Variants in CPT1A observed in about 807,000 individuals in gnomAD.
CPT1A encodes carnitine O-palmitoyltransferase 1, liver isoform.
In CPT1A, 64 loss-of-function variants were observed where a neutral mutation model predicts 100.8. The observed-to-expected ratio is 0.63, with a 90% CI of 0.52 to 0.78. The LOEUF is 0.78. Among genes scored for constraint, CPT1A ranks in the 30% least tolerant of loss-of-function variants. The pLI is 0.00. For missense variants in CPT1A, 802 were observed against 1,034.1 expected, an observed-to-expected ratio of 0.78 and a Z score of 3.08; for synonymous variants, 363 against 396.0, an observed-to-expected ratio of 0.92 and a Z score of 0.99.
Position 68,793,316 on chromosome 11 carries a change from T to G in CPT1A, c.966A>C (p.Thr322=). 6.2e-7 allele frequency: 1 copy of G among 1,608,912 alleles called. No individual in the cohort carries two copies. Residue 322 remains threonine, a splice_region_variant and synonymous_variant, in exon 9 of 19, where the codon ACA becomes ACC. Transcript: ENST00000265641. The part of the protein sequence containing the change: ...FNTSRIPGEE[T]DTIQHMRDSK... ...GGGCCCTGAAGAAGCTTGACTCACC[T>G]GTCTCCTCTCCTGGGATCCGGGAAG... is the stretch of plus-strand genomic sequence containing the variant.
intron 5 of CPT1A, 60 bp from the exon 6 acceptor site, chr11:68,799,415 G>T: frequency 6.3e-7 from 1 of 1,582,094 alleles, no homozygotes. Context: ...CAAAGCCTAT[G>T]TTTGCCTCAC....
intron 12 of CPT1A, 135 bp from the exon 13 acceptor site, chr11:68,775,567 C>G: frequency 1.4e-6 from 1 of 702,954 alleles, no homozygotes; most frequent in Non-Finnish European, 2.5e-6. Flanking sequence ...TTCCAGTATG[C>G]TCAGCACCTA....
intron 9 of CPT1A, among the ~76,000 whole-genome samples, chr11:68,791,607 G>C (rs1855614795): frequency 6.6e-6 from 1 of 152,130 alleles, no homozygotes; most frequent in Non-Finnish European, 1.5e-5. Context: ...CACAATCTCA[G>C]TTCACTGCAA....
At chr11:68,803,441 T>C (rs1345327254) in intron 5 of CPT1A, among the ~76,000 whole-genome samples, 1 of 152,192 alleles carries the variant, frequency 6.6e-6, no homozygotes, top group Non-Finnish European at 1.5e-5. Context: ...CCTGGTGCAG[T>C]GGCTCATGCC....
intron 18 of CPT1A, 49 bp downstream of exon 18, chr11:68,759,520 A>C: frequency 8.3e-7 from 1 of 1,206,924 alleles, no homozygotes; most frequent in Non-Finnish European, 1.2e-6. Flanking sequence ...AAAAAGAATA[A>C]AGCAAAAATA....
At chr11:68,830,692 G>A (rs1046191943) in intron 1 of CPT1A, among the ~76,000 whole-genome samples, 3 of 152,182 alleles carry the variant, frequency 2.0e-5, no homozygotes, top group Non-Finnish European at 4.4e-5. Context: ...CTTGACCTAT[G>A]CCACTAACTG....
At chr11:68,839,511 C>A in intron 1 of CPT1A, 1 of 985,448 alleles carries the variant, frequency 1.0e-6, no homozygotes, top group Non-Finnish European at 1.2e-6. Context: ...GGCGCGCGTC[C>A]CTGTGGCCAC....
In CPT1A at chr11:68,773,161, T is replaced by C. The variant is rs553136680; in HGVS notation, c.1740+104A>G. The C allele has an allele frequency of 2.6e-6, 4 of 1,568,500 alleles. No individual in the cohort carries two copies. The East Asian group carries it at 9.2e-5, about 36-fold the overall frequency. On this transcript the variant is annotated intron_variant, in intron 14 of 18. Transcript: ENST00000265641. The stretch of plus-strand genomic sequence containing the variant: ...GGGTCGGGGGGAGCTGTGCTTCTCC[T>C]ATGCCGGGTTTCGGGCCTTCCCTCC...
chr11:68,786,505 G>T (rs1322398441), intron 9 of CPT1A, among the ~76,000 whole-genome samples: 1 of 152,216 alleles, frequency 6.6e-6, no homozygotes, highest in African/African-American at 2.4e-5. Flanking sequence ...GCCAGATGAA[G>T]AACAGAATTA....
Position 68,793,373 on chromosome 11 carries a change from G to C in CPT1A, c.909C>G (p.Leu303=). Residue 303 remains leucine (L), a synonymous_variant, in exon 9 of 19, where the codon CTC becomes CTG. Coordinates refer to ENST00000265641, the MANE Select transcript of CPT1A (RefSeq NM_001876.4). ...ACATCCGCTCCCACTGAGCGGAGCAGAGTGGAATCGTGGATCCCAAAAGAC... is the reference window on the plus strand; with the variant it reads ...ACATCCGCTCCCACTGAGCGGAGCACAGTGGAATCGTGGATCCCAAAAGAC... The part of the protein sequence containing the change: ...PIRLLGSTIP[L]CSAQWERMFN... 1 of 1,611,808 alleles carries C rather than the reference G, an allele frequency of 6.2e-7. No individual in the cohort carries two copies. Among genetic ancestry groups the C allele is most frequent in the Non-Finnish European group, 8.5e-7 (1 of 1,178,976 alleles).
chr11:68,799,201 T>C lies in CPT1A; in HGVS notation c.693+17A>G, dbSNP rs780287791. ...ACGGAAAAATTTCATCAAGAAAAACTGTGTATACAGACTTACGTAATTTGT... is the reference window on the plus strand; with the variant it reads ...ACGGAAAAATTTCATCAAGAAAAACCGTGTATACAGACTTACGTAATTTGT... On this transcript the variant is annotated intron_variant, in intron 6 of 18. Coordinates refer to ENST00000265641, the MANE Select transcript of CPT1A (RefSeq NM_001876.4). 1.2e-6 allele frequency: 2 copies of C among 1,609,912 alleles called. No homozygotes were observed. Among genetic ancestry groups the C allele is most frequent in the Non-Finnish European group, 1.7e-6 (2 of 1,176,618 alleles).
intron 15 of CPT1A, 21 bp downstream of exon 15, chr11:68,762,606 C>T (rs1165005732): frequency 6.2e-7 from 1 of 1,612,884 alleles, no homozygotes; most frequent in Non-Finnish European, 8.5e-7. Flanking sequence ...ACGTTGTGTC[C>T]TCAGCCTGAT....
At chr11:68,785,746 G>A (rs1029834190) in intron 9 of CPT1A, 27 of 474,974 alleles carry the variant, frequency 5.7e-5, no homozygotes, top group South Asian at 5.6e-4. Context: ...CATTCGATCC[G>A]TATAGTAACT....
At chr11:68,754,692 A>G, downstream of CPT1A, 2 of 714,404 alleles carry the variant, frequency 2.8e-6, no homozygotes, top group South Asian at 1.5e-5. Flanking sequence ...AATGGAATGG[A>G]TGAATAAATG....
At chr11:68,838,645 C>T (rs920374332) in intron 1 of CPT1A, among the ~76,000 whole-genome samples, 16 of 148,578 alleles carry the variant, frequency 1.1e-4, no homozygotes, top group Non-Finnish European at 1.8e-4. Flanking sequence ...GCAATCATAG[C>T]TCACTGCAGT....
In CPT1A at chr11:68,759,888, A is replaced by AG. The variant is rs547560665; in HGVS notation, c.2143-228_2143-227insC. ...ACAAAAAAATACACACACACACACAAATTAGCTGGGCATGGTGGCATGCAT... is the reference window on the plus strand; with the variant it reads ...ACAAAAAAATACACACACACACACAAGATTAGCTGGGCATGGTGGCATGCAT... On this transcript the variant is annotated intron_variant, in intron 17 of 18. Transcript: ENST00000265641. 1.8e-4 allele frequency among the ~76,000 whole-genome samples: 25 copies of AG among 141,756 alleles called. 1 individual carries two copies. In the South Asian group the frequency reaches 5.7e-3, roughly 32 times the overall value. 93.0% of individuals were successfully genotyped at this position (141,756 alleles called of 152,430 possible).
At chr11:68,835,787 AAC>A (rs145630600) in intron 1 of CPT1A, among the ~76,000 whole-genome samples, 51 of 152,318 alleles carry the variant, frequency 3.3e-4, no homozygotes, top group African/African-American at 1.2e-3. Flanking sequence ...AGGGAAAGAA[AAC>A]ACACAGATCT....
intron 7 of CPT1A, among the ~76,000 whole-genome samples, chr11:68,796,483 G>C (rs1449363219): frequency 2.6e-5 from 4 of 152,180 alleles, no homozygotes; most frequent in Non-Finnish European, 5.9e-5. Flanking sequence ...TTGAACCTGG[G>C]AGGCGGAGGC....
At chr11:68,801,028 G>A (rs989175244) in intron 5 of CPT1A, among the ~76,000 whole-genome samples, 5 of 152,012 alleles carry the variant, frequency 3.3e-5, no homozygotes, top group South Asian at 2.1e-4. Flanking sequence ...AGGATCACTC[G>A]GGCCCAGGAA....
Sources: allele counts gnomAD v4.1 joint callset (sites outside exome capture counted in the v4.1 genomes callset), GRCh38; gene constraint gnomAD v4.1.1; transcripts MANE v1.5; gene names NCBI Gene and HGNC (gene_info 2026-07-23, HGNC 2026-07-21).